VRK1: variants seen among roughly 807,000 people sequenced by gnomAD.
VRK1 encodes the protein VRK serine/threonine kinase 1, also known as serine/threonine-protein kinase VRK1.
VRK1 carries 33 observed loss-of-function variants against 57.1 expected under a neutral mutation model. The ratio of observed to expected loss-of-function variants is 0.58; its 90% CI spans 0.44 to 0.77. The LOEUF (loss-of-function observed/expected upper bound fraction) is 0.77, where lower values mean the gene tolerates loss of function less well. Among genes scored for constraint, VRK1 ranks in the 30% least tolerant of loss-of-function variants. The probability of loss-of-function intolerance (pLI) is 0.00; values close to 1 mark genes in which losing one functional copy is unlikely to be tolerated. For synonymous variants in VRK1, 137 were observed against 147.8 expected, an observed-to-expected ratio of 0.93 and a Z score of 0.53; for missense variants, 413 against 477.3, an observed-to-expected ratio of 0.87 and a Z score of 1.25.
At chr14:96,822,265 C>A (rs1285056454) in intron 1 of VRK1, among the ~76,000 whole-genome samples, 3 of 152,104 alleles carry the variant, frequency 2.0e-5, no homozygotes, top group Non-Finnish European at 2.9e-5. Context: ...TCAATAAATA[C>A]TTGTTGAGTA....
chr14:96,867,415 C>G (rs1423835234), intron 11 of VRK1, among the ~76,000 whole-genome samples: 4 of 151,320 alleles, frequency 2.6e-5, no homozygotes, highest in Non-Finnish European at 5.9e-5. Context: ...AAGCTTCTTG[C>G]CTTTCTCTTT....
At chr14:96,797,888 T>C (rs1247473427) in intron 1 of VRK1, among the ~76,000 whole-genome samples, 1 of 152,228 alleles carries the variant, frequency 6.6e-6, no homozygotes, top group Non-Finnish European at 1.5e-5. Flanking sequence ...GCAGCTGCGA[T>C]GTTTTGCGGA....
intron 1 of VRK1, among the ~76,000 whole-genome samples, chr14:96,804,652 T>G (rs1446267968): frequency 6.6e-6 from 1 of 152,238 alleles, no homozygotes; most frequent in Non-Finnish European, 1.5e-5. Context: ...ATATTCTTAA[T>G]CAGGAAAATG....
At chr14:96,829,629 T>G (rs939477847) in intron 1 of VRK1, among the ~76,000 whole-genome samples, 1 of 152,196 alleles carries the variant, frequency 6.6e-6, no homozygotes, top group African/African-American at 2.4e-5. Flanking sequence ...TATCACATAA[T>G]TACTCATTTG....
At chr14:96,862,800 A>G (rs1332007411) in intron 11 of VRK1, among the ~76,000 whole-genome samples, 1 of 152,046 alleles carries the variant, frequency 6.6e-6, no homozygotes, top group Non-Finnish European at 1.5e-5. Flanking sequence ...TTAGTTCTAG[A>G]AACTGTTAAT....
intron 3 of VRK1, among the ~76,000 whole-genome samples, chr14:96,842,546 A>G (rs1887506962): frequency 6.6e-6 from 1 of 152,248 alleles, no homozygotes. Flanking sequence ...AAGAAAATAC[A>G]TCAAAATGTT....
intron 11 of VRK1, among the ~76,000 whole-genome samples, chr14:96,863,403 G>A (rs559783485): frequency 1.2e-4 from 18 of 152,194 alleles, no homozygotes; most frequent in Non-Finnish European, 2.5e-4. Context: ...TCAATGACAT[G>A]TGGTCCCATT....
rs544968742 is a variant in VRK1 at position 96,838,246 on chromosome 14, G to A, written c.216+429G>A. Among the ~76,000 whole-genome samples the A allele has an allele frequency of 4.0e-3, 600 of 151,754 alleles. 6 individuals carry two copies. The highest frequency in any genetic ancestry group is 0.014 in the African/African-American group (576 of 41,378). ...CTGTTCCCAATTTTCTTCCATTTTA[G>A]TAAATTAAATTATTTATTTTATTGT... On this transcript the variant is annotated intron_variant, in intron 3 of 12. Coordinates refer to ENST00000216639, the MANE Select transcript of VRK1 (RefSeq NM_003384.3).
chr14:96,868,974 T>C (rs546996221), intron 11 of VRK1, among the ~76,000 whole-genome samples: 1 of 152,146 alleles, frequency 6.6e-6, no homozygotes, highest in Non-Finnish European at 1.5e-5. Flanking sequence ...TTTGCATTTT[T>C]AGTAGAGACG....
intron 3 of VRK1, among the ~76,000 whole-genome samples, chr14:96,840,649 T>G (rs1182574967): frequency 6.6e-6 from 1 of 152,188 alleles, no homozygotes; most frequent in African/African-American, 2.4e-5. Context: ...GAGTTTCTTC[T>G]TAGGCTCATT....
At chr14:96,860,079 C>A (rs1201755933) in intron 10 of VRK1, among the ~76,000 whole-genome samples, 1 of 151,902 alleles carries the variant, frequency 6.6e-6, no homozygotes, top group East Asian at 1.9e-4. Flanking sequence ...AAAGCCAGAT[C>A]TTATTTCTTT....
At chr14:96,850,769 T>C (rs556183879) in intron 5 of VRK1, among the ~76,000 whole-genome samples, 69 of 152,336 alleles carry the variant, frequency 4.5e-4, no homozygotes, top group South Asian at 1.0e-3. Flanking sequence ...GATTTGGGAT[T>C]TCTTAAGGAT....
intron 1 of VRK1, among the ~76,000 whole-genome samples, chr14:96,813,217 C>G (rs1355257689): frequency 1.3e-5 from 2 of 152,182 alleles, no homozygotes; most frequent in Non-Finnish European, 1.5e-5. Context: ...TGTAGTCAGT[C>G]CAGTGCTCTT....
chr14:96,826,624 G>A (rs1355976239), intron 1 of VRK1, among the ~76,000 whole-genome samples: 2 of 152,174 alleles, frequency 1.3e-5, no homozygotes, highest in Non-Finnish European at 2.9e-5. Context: ...TTTTGTTAAA[G>A]TTTGTGCCTT....
Position 96,841,543 on chromosome 14 carries a change from C to T in VRK1, c.216+3726C>T, listed in dbSNP as rs993572735. ...TAACTTTTTGGATGTTACAGTTATC[C>T]TAGAAGAATGTCATAAACAAAACAA... On this transcript the variant is annotated intron_variant, in intron 3 of 12. Coordinates refer to ENST00000216639, the MANE Select transcript of VRK1 (RefSeq NM_003384.3). Among the ~76,000 whole-genome samples, 8 of 152,144 alleles carry T rather than the reference C, an allele frequency of 5.3e-5. No individual in the cohort carries two copies. The East Asian group carries it at 1.5e-3, about 29-fold the overall frequency.
intron 3 of VRK1, among the ~76,000 whole-genome samples, chr14:96,841,366 T>C (rs1183941748): frequency 1.3e-5 from 2 of 152,222 alleles, no homozygotes; most frequent in Non-Finnish European, 1.5e-5. Flanking sequence ...TAATGAATTA[T>C]ATTTTTAAGT....
chr14:96,860,833 A>AC, intron 11 of VRK1, 98 bp downstream of exon 11: 5 of 1,345,148 alleles, frequency 3.7e-6, no homozygotes, highest in Non-Finnish European at 5.2e-6. Context: ...AAGAACAATA[A>AC]CAGATTGCAT....
intron 12 of VRK1, among the ~76,000 whole-genome samples, chr14:96,878,394 T>C (rs1889123386): frequency 6.6e-6 from 1 of 152,196 alleles, no homozygotes. Context: ...GTTTCAAGAA[T>C]GGTTACCTCT....
chr14:96,853,004 G>A, intron 6 of VRK1, 65 bp downstream of exon 6: 2 of 1,605,554 alleles, frequency 1.2e-6, no homozygotes, highest in Non-Finnish European at 1.7e-6. Flanking sequence ...GCTAGTTTAT[G>A]TTGAAGCTTG....
Sources: gnomAD v4.1 joint callset for allele counts (sites outside exome capture counted in the v4.1 genomes callset) on GRCh38, gnomAD v4.1.1 for gene constraint, MANE v1.5 for transcripts, NCBI Gene and HGNC (gene_info 2026-07-23, HGNC 2026-07-21) for gene names.